The following ESR1 variants were observed in gnomAD, a reference collection of about 807,000 sequenced individuals.
ESR1 encodes estrogen receptor.
In ESR1, 12 loss-of-function variants were observed where a neutral mutation model predicts 52.7. That is an observed-to-expected ratio of 0.23 (90% confidence interval 0.15 to 0.37). ESR1 has a LOEUF of 0.37. ESR1 is among the 10% of genes least tolerant of loss of function. The pLI is 1.00. For synonymous variants in ESR1, 305 were observed against 316.8 expected, an observed-to-expected ratio of 0.96 and a Z score of 0.39; for missense variants, 584 against 779.7, an observed-to-expected ratio of 0.75 and a Z score of 2.99.
intron 2 of ESR1, among the ~76,000 whole-genome samples, chr6:151,744,226 T>C (rs1368646002): frequency 6.6e-6 from 1 of 152,192 alleles, no homozygotes; most frequent in Non-Finnish European, 1.5e-5. Context: ...TCATTTCTCT[T>C]GGGTACCCAC....
At chr6:151,723,732 G>C (rs996511345) in intron 2 of ESR1, among the ~76,000 whole-genome samples, 1 of 152,024 alleles carries the variant, frequency 6.6e-6, no homozygotes. Flanking sequence ...AGCTGGGCGT[G>C]GTGGAGCATT....
chr6:152,015,916 G>A (rs1343958296), intron 5 of ESR1, among the ~76,000 whole-genome samples: 3 of 152,008 alleles, frequency 2.0e-5, no homozygotes, highest in Non-Finnish European at 2.9e-5. Context: ...AAATCCTTAA[G>A]GTCTCTCTAC....
intron 2 of ESR1, among the ~76,000 whole-genome samples, chr6:151,861,897 G>T (rs1235524472): frequency 1.3e-5 from 2 of 152,094 alleles, no homozygotes; most frequent in Admixed American, 1.3e-4. Flanking sequence ...CTGCATAAAT[G>T]TAGCCTAACA....
At chr6:151,894,499 T>A (rs1462831456) in intron 3 of ESR1, among the ~76,000 whole-genome samples, 3 of 152,224 alleles carry the variant, frequency 2.0e-5, no homozygotes, top group Non-Finnish European at 4.4e-5. Flanking sequence ...GACGTTAACT[T>A]CTAGAATTTT....
chr6:151,986,251 G>A (rs909930447), intron 4 of ESR1, among the ~76,000 whole-genome samples: 4 of 152,046 alleles, frequency 2.6e-5, no homozygotes, highest in Non-Finnish European at 4.4e-5. Context: ...AATTCAAGAG[G>A]TAATATTTTA....
intron 3 of ESR1, among the ~76,000 whole-genome samples, chr6:151,914,386 T>G (rs1476451218): frequency 6.6e-6 from 1 of 152,250 alleles, no homozygotes; most frequent in Non-Finnish European, 1.5e-5. Flanking sequence ...AACTTCTGAA[T>G]GACTTAAAAA....
intron 2 of ESR1, among the ~76,000 whole-genome samples, chr6:151,755,340 A>G (rs1784204067): frequency 6.6e-6 from 1 of 151,904 alleles, no homozygotes; most frequent in Non-Finnish European, 1.5e-5. Flanking sequence ...TTTATGGCAG[A>G]TCCTTCCTTC....
At chr6:151,924,832 A>G (rs935164985) in intron 3 of ESR1, among the ~76,000 whole-genome samples, 3 of 151,292 alleles carry the variant, frequency 2.0e-5, no homozygotes, top group African/African-American at 7.3e-5. Flanking sequence ...TATGTACTAC[A>G]TTGTTTTTTT....
At chr6:152,009,623 G>T (rs2042606176) in intron 4 of ESR1, among the ~76,000 whole-genome samples, 1 of 152,090 alleles carries the variant, frequency 6.6e-6, no homozygotes, top group Admixed American at 6.6e-5. Flanking sequence ...TTCATGTTTT[G>T]CTGGTGAGAA....
At chr6:151,964,581 G>A (rs2038043374) in intron 4 of ESR1, among the ~76,000 whole-genome samples, 1 of 150,944 alleles carries the variant, frequency 6.6e-6, no homozygotes, top group Non-Finnish European at 1.5e-5. Context: ...AAAAGTTTTG[G>A]TGTTTTCTGT....
At position 152,100,789 on chromosome 6, in the gene ESR1, T is replaced by G; in HGVS notation, c.*1823T>G. The G allele has an allele frequency of 4.5e-6, 1 of 223,002 alleles. No homozygotes were observed. Among genetic ancestry groups the G allele is most frequent in the Non-Finnish European group, 8.8e-6 (1 of 113,058 alleles). 13.8% of individuals were successfully genotyped at this position (223,002 alleles called of 1,614,324 possible). ...TGGGAGGGCAAAAAAAAAAAAAAAGTTTTTATGTGCACTTAAATTTGGGGA... is the reference window on the plus strand; with the variant it reads ...TGGGAGGGCAAAAAAAAAAAAAAAGGTTTTATGTGCACTTAAATTTGGGGA... On this transcript the variant is annotated 3_prime_UTR_variant, in exon 8 of 8. Coordinates refer to ENST00000206249, the MANE Select transcript of ESR1 (RefSeq NM_000125.4).
At chr6:152,116,490 C>G (rs2051211935) in intron 6 of ESR1, among the ~76,000 whole-genome samples, 1 of 152,054 alleles carries the variant, frequency 6.6e-6, no homozygotes. Context: ...ATAAGAAAAT[C>G]AAAAGGCCTA....
At chr6:151,810,827 A>G (rs572101667) in intron 1 of ESR1, among the ~76,000 whole-genome samples, 2 of 152,344 alleles carry the variant, frequency 1.3e-5, no homozygotes, top group South Asian at 2.1e-4. Context: ...TAGAAAGCTA[A>G]TGGCCTAAAA....
intron 2 of ESR1, among the ~76,000 whole-genome samples, chr6:151,721,182 T>C (rs1781430479): frequency 6.6e-6 from 1 of 152,276 alleles, no homozygotes; most frequent in African/African-American, 2.4e-5. Context: ...GATTCATAGA[T>C]GTTTATCTGA....
chr6:152,029,016 TACCCAGGCAA>T (rs2044425514), intron 5 of ESR1, among the ~76,000 whole-genome samples: 1 of 152,202 alleles, frequency 6.6e-6, no homozygotes, highest in East Asian at 1.9e-4. Context: ...CCGCTGCTGA[TACCCAGGCAA>T]ACAGGGTCTG....
At chr6:151,864,228 C>G (rs901024738) in intron 2 of ESR1, among the ~76,000 whole-genome samples, 3 of 152,158 alleles carry the variant, frequency 2.0e-5, no homozygotes, top group South Asian at 2.1e-4. Flanking sequence ...CTACAAAGAA[C>G]TCAAACAAAT....
intron 4 of ESR1, among the ~76,000 whole-genome samples, chr6:151,973,820 G>A (rs918602622): frequency 1.7e-4 from 26 of 152,152 alleles, no homozygotes; most frequent in African/African-American, 5.3e-4. Flanking sequence ...GCAAAACATA[G>A]CTCCCCAGCT....
intron 2 of ESR1, among the ~76,000 whole-genome samples, chr6:151,847,028 A>G (rs1785249581): frequency 1.3e-5 from 2 of 152,208 alleles, no homozygotes; most frequent in South Asian, 4.1e-4. Context: ...ACCACTAGCT[A>G]TGTTGCCATT....
rs1585261730 is a variant in ESR1 at position 152,100,630 on chromosome 6, T to C, written c.*1664T>C. Reference sequence around the variant, plus strand: ...CTTATTGTCTGTAATTGAAACCCTATTGAGAGGTGATGTCTGTGTTAGCCA... The same window carrying C: ...CTTATTGTCTGTAATTGAAACCCTACTGAGAGGTGATGTCTGTGTTAGCCA... On this transcript the variant is annotated 3_prime_UTR_variant, in exon 8 of 8. Transcript: ENST00000206249. The C allele has an allele frequency of 5.2e-5, 12 of 231,456 alleles. No individual in the cohort carries two copies. The East Asian group carries it at 7.3e-4, about 14-fold the overall frequency. 14.3% of individuals were successfully genotyped at this position (231,456 alleles called of 1,614,324 possible).
Sources: gnomAD v4.1 joint callset for allele counts (sites outside exome capture counted in the v4.1 genomes callset) on GRCh38, gnomAD v4.1.1 for gene constraint, MANE v1.5 for transcripts, NCBI Gene and HGNC (gene_info 2026-07-23, HGNC 2026-07-21) for gene names.